The following CACNA2D1 variants were observed in gnomAD, a reference collection of about 807,000 sequenced individuals.
CACNA2D1 encodes voltage-dependent calcium channel subunit alpha-2/delta-1.
A neutral mutation model predicts 171.5 loss-of-function variants in CACNA2D1; 53 were observed. That is an observed-to-expected ratio of 0.31 (90% confidence interval 0.25 to 0.39). CACNA2D1 has a LOEUF of 0.39. Among genes scored for constraint, CACNA2D1 ranks in the 10% least tolerant of loss-of-function variants. The probability of loss-of-function intolerance (pLI) is 1.00; values close to 1 mark genes in which losing one functional copy is unlikely to be tolerated. For missense variants in CACNA2D1, 903 were observed against 1,299.8 expected, an observed-to-expected ratio of 0.69 and a Z score of 4.69; for synonymous variants, 442 against 443.1, an observed-to-expected ratio of 1.00 and a Z score of 0.03.
chr7:82,002,738 A>G (rs1798734354), intron 18 of CACNA2D1, among the ~76,000 whole-genome samples: 1 of 152,178 alleles, frequency 6.6e-6, no homozygotes, highest in Non-Finnish European at 1.5e-5. Flanking sequence ...AGAATACATA[A>G]TTCAACATAC....
At chr7:82,251,204 C>T (rs763252449) in intron 3 of CACNA2D1, among the ~76,000 whole-genome samples, 1 of 152,118 alleles carries the variant, frequency 6.6e-6, no homozygotes, top group African/African-American at 2.4e-5. Flanking sequence ...GCTTCTGCCA[C>T]TTGTATAATT....
chr7:82,434,207 G>C (rs538499768), intron 1 of CACNA2D1, among the ~76,000 whole-genome samples: 1 of 152,298 alleles, frequency 6.6e-6, no homozygotes, highest in East Asian at 1.9e-4. Context: ...TCCTTGACCT[G>C]AACTCCCATG....
At chr7:82,170,641 A>G (rs372731331) in intron 3 of CACNA2D1, 32 bp from the exon 4 acceptor site, 6 of 1,589,810 alleles carry the variant, frequency 3.8e-6, no homozygotes, top group Non-Finnish European at 4.3e-6. Context: ...TTAGAATTCA[A>G]ATGAACACGT....
intron 3 of CACNA2D1, among the ~76,000 whole-genome samples, chr7:82,234,543 G>T (rs186795411): frequency 6.6e-6 from 1 of 152,030 alleles, no homozygotes. Context: ...ACAATTTTAT[G>T]ATTTTTAAGC....
chr7:82,190,758 T>C (rs1040677265), intron 3 of CACNA2D1, among the ~76,000 whole-genome samples: 6 of 151,662 alleles, frequency 4.0e-5, no homozygotes, highest in Non-Finnish European at 7.4e-5. Context: ...TAGAATCATA[T>C]ATTGTTAGAG....
intron 3 of CACNA2D1, among the ~76,000 whole-genome samples, chr7:82,274,958 C>G (rs1809132064): frequency 6.6e-6 from 1 of 152,000 alleles, no homozygotes; most frequent in Non-Finnish European, 1.5e-5. Flanking sequence ...ATAAAACAAG[C>G]CAAATTTTAT....
In CACNA2D1 at chr7:82,387,355, A is replaced by G. The variant is rs201757958; in HGVS notation, c.96-37706T>C. On this transcript the variant is annotated intron_variant, in intron 1 of 38. Coordinates refer to ENST00000356860, the MANE Select transcript of CACNA2D1 (RefSeq NM_000722.4). ...CAATTCCTCCCCCTTTAAAAAAAGA[A>G]AGGCATTTTCTTGAATACTGTTCTT... Among the ~76,000 whole-genome samples the G allele has an allele frequency of 3.9e-5, 6 of 152,304 alleles. No individual in the cohort carries two copies. In the East Asian group the frequency reaches 9.6e-4, roughly 24 times the overall value.
intron 21 of CACNA2D1, among the ~76,000 whole-genome samples, chr7:81,987,109 T>C (rs568537426): frequency 3.3e-5 from 5 of 152,316 alleles, no homozygotes; most frequent in South Asian, 4.1e-4. Flanking sequence ...ACATCTACTA[T>C]GCGTTTTGTT....
rs1795933770 is a variant in CACNA2D1, at chr7:82,170,724, CTTAT to C, written c.295-119_295-116del. ...AGGACATAAAAAGCAGAAGATGATC[CTTAT>C]TTATGATTCATAAATTCTAAATCAT... On this transcript the variant is annotated intron_variant, in intron 3 of 38. Coordinates refer to ENST00000356860, the MANE Select transcript of CACNA2D1 (RefSeq NM_000722.4). 4 of 894,888 alleles carry C rather than the reference CTTAT, an allele frequency of 4.5e-6. No homozygotes were observed. The Middle Eastern group carries it at 6.6e-4, about 147-fold the overall frequency. The allele number at this position is 894,888 out of a possible 1,614,324, so 55.4% of individuals were successfully genotyped here. A position where few individuals can be genotyped will look rare whatever the true frequency, so the allele number is the denominator to read the frequency against.
intron 12 of CACNA2D1, among the ~76,000 whole-genome samples, chr7:82,022,222 A>AACACACACACACACAC (rs71520795): frequency 6.9e-6 from 1 of 145,786 alleles, no homozygotes; most frequent in Non-Finnish European, 1.5e-5. Flanking sequence ...CAGAGACAAG[A>AACACACACACACACAC]ACACACACAC....
At chr7:82,407,256 G>A (rs1472528375) in intron 1 of CACNA2D1, among the ~76,000 whole-genome samples, 1 of 152,198 alleles carries the variant, frequency 6.6e-6, no homozygotes, top group African/African-American at 2.4e-5. Flanking sequence ...GAAATCCAAA[G>A]AGGAAGTAGA....
intron 3 of CACNA2D1, among the ~76,000 whole-genome samples, chr7:82,196,352 A>G (rs1265563422): frequency 6.6e-6 from 1 of 152,062 alleles, no homozygotes; most frequent in Non-Finnish European, 1.5e-5. Context: ...TGTCATAAAG[A>G]CAATGCTAGA....
In CACNA2D1 at chr7:81,950,116, A is replaced by G. The variant is rs1284827373; in HGVS notation, c.*276T>C. ...CACATGTAATCACCAACAATGCAAC[A>G]ACAAACTCCCAAATTTTCCAATAGA... is the stretch of plus-strand genomic sequence containing the variant. On this transcript the variant is annotated 3_prime_UTR_variant, in exon 39 of 39. Coordinates refer to ENST00000356860, the MANE Select transcript of CACNA2D1 (RefSeq NM_000722.4). 1 of 465,000 alleles carries G rather than the reference A, an allele frequency of 2.2e-6. No homozygotes were observed. Among genetic ancestry groups the G allele is most frequent in the African/African-American group, 2.0e-5 (1 of 51,188 alleles). 28.8% of individuals were successfully genotyped at this position (465,000 alleles called of 1,614,324 possible).
chr7:82,253,964 C>A (rs1414675686), intron 3 of CACNA2D1, among the ~76,000 whole-genome samples: 1 of 152,074 alleles, frequency 6.6e-6, no homozygotes, highest in East Asian at 1.9e-4. Context: ...AGGAGTGTTT[C>A]TATTCCAACT....
At chr7:82,366,328 G>A (rs1245259531) in intron 1 of CACNA2D1, among the ~76,000 whole-genome samples, 1 of 152,134 alleles carries the variant, frequency 6.6e-6, no homozygotes, top group East Asian at 1.9e-4. Flanking sequence ...CCATCACCCA[G>A]GTAGTGAACA....
At chr7:82,364,998 C>T (rs1293500267) in intron 1 of CACNA2D1, among the ~76,000 whole-genome samples, 2 of 152,022 alleles carry the variant, frequency 1.3e-5, no homozygotes. Flanking sequence ...CAATTTATAA[C>T]ACAGCCACCT....
At chr7:82,203,996 G>A (rs908265336) in intron 3 of CACNA2D1, among the ~76,000 whole-genome samples, 7 of 152,178 alleles carry the variant, frequency 4.6e-5, no homozygotes, top group Admixed American at 2.0e-4. Flanking sequence ...GAGATCTTGG[G>A]ACCTGTAGTC....
At chr7:82,034,832 G>T (rs777836373) in intron 11 of CACNA2D1, among the ~76,000 whole-genome samples, 9 of 151,934 alleles carry the variant, frequency 5.9e-5, no homozygotes, top group Non-Finnish European at 1.0e-4. Context: ...GTATACTTAC[G>T]TAAATAAAAT....
chr7:81,962,033 C>G lies in CACNA2D1; in HGVS notation c.2837-10G>C. ...TCATCCTCCATCTCAACTTGGGTGG[C>G]GGGGGACGGTGTAAAAACAAAGAAC... is the stretch of plus-strand genomic sequence containing the variant. On this transcript the variant is annotated splice_polypyrimidine_tract_variant and intron_variant, in intron 35 of 38. Coordinates refer to ENST00000356860, the MANE Select transcript of CACNA2D1 (RefSeq NM_000722.4). 6.2e-7 allele frequency: 1 copy of G among 1,611,752 alleles called. No individual in the cohort carries two copies. The highest frequency in any genetic ancestry group is 1.7e-4 in the Middle Eastern group (1 of 6,032).
Sources: gnomAD v4.1 joint callset for allele counts (sites outside exome capture counted in the v4.1 genomes callset) on GRCh38, gnomAD v4.1.1 for gene constraint, MANE v1.5 for transcripts, NCBI Gene and HGNC (gene_info 2026-07-23, HGNC 2026-07-21) for gene names.